The following TMEM45B variants were observed in gnomAD, a reference collection of about 807,000 sequenced individuals.
TMEM45B encodes the protein transmembrane protein 45B.
Under a neutral mutation model 27.3 loss-of-function variants are expected in TMEM45B, and 29 were observed. The observed-to-expected ratio is 1.06, with a 90% confidence interval of 0.79 to 1.45. TMEM45B has a LOEUF of 1.45. Among genes scored for constraint, TMEM45B ranks in the 40% most tolerant of loss-of-function variants. The pLI is 0.00. For missense variants in TMEM45B, 348 were observed against 343.9 expected (o/e 1.01, Z -0.09); for synonymous variants, 143 against 134.7 (o/e 1.06, Z -0.43).
intron 1 of TMEM45B, among the ~76,000 whole-genome samples, chr11:129,837,759 T>C (rs952395954): frequency 2.1e-5 from 3 of 145,780 alleles, no homozygotes; most frequent in East Asian, 4.1e-4. Context: ...AGTTTCACCA[T>C]GTTACCCAGG....
At chr11:129,845,338 TGTGTGTGTG>T (rs528786933) in intron 1 of TMEM45B, among the ~76,000 whole-genome samples, 3,193 of 34,388 alleles carry the variant, frequency 0.093, 128 homozygotes, top group African/African-American at 0.17. Context: ...CTATTATAGA[TGTGTGTGTG>T]TGTGTGTGTG....
At chr11:129,847,099 G>A (rs1008603830) in intron 1 of TMEM45B, among the ~76,000 whole-genome samples, 1 of 152,178 alleles carries the variant, frequency 6.6e-6, no homozygotes, top group South Asian at 2.1e-4. Flanking sequence ...TGGGGAAGAG[G>A]GAGAGGCTGT....
At position 129,857,364 on chromosome 11, in the gene TMEM45B, G is replaced by A. The variant is rs1947944467; in HGVS notation, c.622G>A (p.Asp208Asn). Residue 208 changes from aspartate (D) to asparagine (N), a missense_variant, in exon 5 of 6, where the codon GAT becomes AAT. Transcript: ENST00000281441. ...TGGAACACCCGAATGGGACCAGAAG[G>A]ATGATGCCAACCTCATGTTCATCAC... ...PFGTPEWDQK[D>N]DANLMFITMC... 1.9e-6 allele frequency: 3 copies of A among 1,614,194 alleles called. No individual in the cohort carries two copies. Among genetic ancestry groups the A allele is most frequent in the African/African-American group, 1.3e-5 (1 of 75,056 alleles).
chr11:129,843,320 T>C (rs1432047610), intron 1 of TMEM45B, among the ~76,000 whole-genome samples: 1 of 152,248 alleles, frequency 6.6e-6, no homozygotes, highest in Non-Finnish European at 1.5e-5. Flanking sequence ...TTGTAGTTTA[T>C]CTGCTATCGT....
chr11:129,854,941 G>A (rs1423422301), intron 3 of TMEM45B, 125 bp downstream of exon 3: 2 of 1,175,220 alleles, frequency 1.7e-6, no homozygotes, highest in Admixed American at 2.1e-5. Context: ...CACATCTCTG[G>A]ACTGCCAAAA....
intron 1 of TMEM45B, among the ~76,000 whole-genome samples, chr11:129,824,632 G>T (rs533971637): frequency 6.6e-6 from 1 of 152,318 alleles, no homozygotes; most frequent in African/African-American, 2.4e-5. Flanking sequence ...CATCAGTTCA[G>T]TTCAGTTTAA....
chr11:129,843,809 G>C (rs1211613393), intron 1 of TMEM45B, among the ~76,000 whole-genome samples: 1 of 152,180 alleles, frequency 6.6e-6, no homozygotes, highest in East Asian at 1.9e-4. Context: ...AGATTGGTGT[G>C]GATGTGGATA....
At chr11:129,849,281 CACAGG>C (rs1220287772) in intron 1 of TMEM45B, among the ~76,000 whole-genome samples, 1 of 152,156 alleles carries the variant, frequency 6.6e-6, no homozygotes. Flanking sequence ...GCGTGACAGG[CACAGG>C]ACAGATGTTT....
At chr11:129,833,651 T>C (rs959211661) in intron 1 of TMEM45B, among the ~76,000 whole-genome samples, 1 of 152,058 alleles carries the variant, frequency 6.6e-6, no homozygotes, top group African/African-American at 2.4e-5. Flanking sequence ...GGCGGACACC[T>C]GTAATCCCAG....
intron 1 of TMEM45B, among the ~76,000 whole-genome samples, chr11:129,819,431 C>T (rs1181172156): frequency 6.6e-6 from 1 of 152,184 alleles, no homozygotes; most frequent in Admixed American, 6.5e-5. Context: ...TCCCGCACCA[C>T]CCTCCTTAGC....
chr11:129,858,887 A>G lies in TMEM45B; in HGVS notation c.*202A>G, dbSNP rs899513792. ...TCTTGCAGTTGGGATTTTTAAACAT[A>G]CTATAAAGTCTGTGTTGGTATAGTA... On this transcript the variant is annotated 3_prime_UTR_variant, in exon 6 of 6. Transcript: ENST00000281441. 2 of 416,836 alleles carry G rather than the reference A, an allele frequency of 4.8e-6. No individual in the cohort carries two copies. Among genetic ancestry groups the G allele is most frequent in the Non-Finnish European group, 8.8e-6 (2 of 228,434 alleles). 25.8% of individuals were successfully genotyped at this position (416,836 alleles called of 1,614,324 possible).
rs1947753256 is a variant in TMEM45B, at chr11:129,845,766, C to T, written c.-8-6709C>T. ...CTATGCAAATTCTCAAGGAATTTCC[C>T]TTTTATGCATAGTTTTGGGAATGCT... On this transcript the variant is annotated intron_variant, in intron 1 of 5. Coordinates refer to ENST00000281441, the MANE Select transcript of TMEM45B (RefSeq NM_138788.5). 3.3e-5 allele frequency among the ~76,000 whole-genome samples: 5 copies of T among 152,078 alleles called. No individual in the cohort carries two copies. The South Asian group carries it at 8.3e-4, about 25-fold the overall frequency.
intron 1 of TMEM45B, among the ~76,000 whole-genome samples, chr11:129,848,471 C>T (rs1457030477): frequency 2.0e-5 from 3 of 152,134 alleles, no homozygotes; most frequent in Admixed American, 2.0e-4. Flanking sequence ...CAGCACAGTC[C>T]AGCTTCGGCT....
At chr11:129,848,483 G>A (rs535999714) in intron 1 of TMEM45B, among the ~76,000 whole-genome samples, 3 of 150,324 alleles carry the variant, frequency 2.0e-5, no homozygotes, top group Non-Finnish European at 4.4e-5. Flanking sequence ...GCTTCGGCTC[G>A]GCATGAAAGG....
chr11:129,854,075 T>C (rs1947886887), intron 2 of TMEM45B, among the ~76,000 whole-genome samples: 1 of 152,218 alleles, frequency 6.6e-6, no homozygotes, highest in South Asian at 2.1e-4. Context: ...GAGCTGGCTC[T>C]GTGCCCAGGA....
In TMEM45B at chr11:129,855,722, T is replaced by C. The variant is rs1186051084; in HGVS notation, c.400T>C (p.Tyr134His). 1.9e-6 allele frequency: 3 copies of C among 1,614,152 alleles called. No homozygotes were observed. Among genetic ancestry groups the C allele is most frequent in the Admixed American group, 1.7e-5 (1 of 60,012 alleles). Residue 134 changes from tyrosine (Y) to histidine (H), a missense_variant, in exon 4 of 6, where the codon TAC becomes CAC. Physicochemically the swap from Tyr to His is moderately conservative, Grantham distance 83. Transcript: ENST00000281441. ...AVFMEGFLFY[Y>H]HVHNRPPLDQ... is the part of the protein sequence containing the mutation. Reference sequence around the variant, plus strand: ...GTTTGTGGCAGGTTTCCTCTTCTACTACCACGTCCACAACCGGCCTCCGCT... The same window carrying C: ...GTTTGTGGCAGGTTTCCTCTTCTACCACCACGTCCACAACCGGCCTCCGCT...
intron 3 of TMEM45B, among the ~76,000 whole-genome samples, chr11:129,855,310 G>A (rs1000590952): frequency 4.6e-5 from 7 of 151,630 alleles, no homozygotes; most frequent in African/African-American, 1.5e-4. Flanking sequence ...CCAGGGGAGC[G>A]CTGCCAGTAT....
chr11:129,839,840 G>C (rs993359294), intron 1 of TMEM45B, among the ~76,000 whole-genome samples: 1 of 152,092 alleles, frequency 6.6e-6, no homozygotes, highest in African/African-American at 2.4e-5. Context: ...TGACCTAAAA[G>C]CACTATCTGA....
At chr11:129,845,503 A>G (rs1947749581) in intron 1 of TMEM45B, among the ~76,000 whole-genome samples, 1 of 152,190 alleles carries the variant, frequency 6.6e-6, no homozygotes, top group Non-Finnish European at 1.5e-5. Context: ...AGACTAGAGC[A>G]TGCAGTAGGA....
Sources: gnomAD v4.1 joint callset for allele counts (sites outside exome capture counted in the v4.1 genomes callset) on GRCh38, gnomAD v4.1.1 for gene constraint, MANE v1.5 for transcripts, NCBI Gene and HGNC (gene_info 2026-07-23, HGNC 2026-07-21) for gene names.